The following NTNG1 variants were observed in gnomAD, a reference collection of about 807,000 sequenced individuals.
The protein encoded by NTNG1 is netrin-G1.
A neutral mutation model predicts 54.0 loss-of-function variants in NTNG1; 16 were observed. That is an observed-to-expected ratio of 0.30 (90% CI 0.20 to 0.45). The LOEUF (loss-of-function observed/expected upper bound fraction) is 0.45, where lower values mean the gene tolerates loss of function less well. Among genes scored for constraint, NTNG1 ranks in the 20% least tolerant of loss-of-function variants. The pLI is 1.00. For synonymous variants in NTNG1, 255 were observed against 263.1 expected (o/e 0.97, Z 0.30); for missense variants, 530 against 678.7 (o/e 0.78, Z 2.43).
intron 2 of NTNG1, among the ~76,000 whole-genome samples, chr1:107,194,261 GT>G (rs1386142539): frequency 6.6e-6 from 1 of 151,970 alleles, no homozygotes; most frequent in Non-Finnish European, 1.5e-5. Context: ...TTTTTGGATG[GT>G]TATATCAGAT....
chr1:107,471,942 AT>A (rs1162526476), intron 7 of NTNG1, among the ~76,000 whole-genome samples: 7 of 152,102 alleles, frequency 4.6e-5, no homozygotes, highest in Admixed American at 2.6e-4. Context: ...TGTGTTTTAT[AT>A]TTTTTTAGAG....
Position 107,233,212 on chromosome 1 carries a change from TAAG to T in NTNG1, c.246+84376_246+84378del, listed in dbSNP as rs754204548. On this transcript the variant is annotated intron_variant, in intron 2 of 7. Coordinates refer to ENST00000370068, the MANE Select transcript of NTNG1 (RefSeq NM_001113226.3). ...TAAGCAAAATCTTGGAGATAGAAGATAAGAAATACTACTAAGCAGTCAGAGACT... is the reference window on the plus strand; with the variant it reads ...TAAGCAAAATCTTGGAGATAGAAGATAAATACTACTAAGCAGTCAGAGACT... Among the ~76,000 whole-genome samples the T allele has an allele frequency of 7.2e-5, 11 of 152,350 alleles. 1 individual carries two copies. The South Asian group carries it at 2.3e-3, about 32-fold the overall frequency.
chr1:107,455,393 C>T (rs1459415658), intron 7 of NTNG1, among the ~76,000 whole-genome samples: 5 of 152,190 alleles, frequency 3.3e-5, no homozygotes, highest in African/African-American at 1.2e-4. Flanking sequence ...AATAAAAAGT[C>T]ATTATGCACA....
intron 7 of NTNG1, among the ~76,000 whole-genome samples, chr1:107,468,382 C>A (rs1677740590): frequency 6.6e-6 from 1 of 152,136 alleles, no homozygotes; most frequent in Non-Finnish European, 1.5e-5. Flanking sequence ...GAATTGATGA[C>A]ACAATTATCT....
intron 7 of NTNG1, among the ~76,000 whole-genome samples, chr1:107,461,714 A>G (rs1677294007): frequency 6.6e-6 from 1 of 151,630 alleles, no homozygotes; most frequent in African/African-American, 2.4e-5. Flanking sequence ...ATTGTATTTT[A>G]GTAAAGACAG....
chr1:107,457,202 A>G (rs1017255187), intron 7 of NTNG1, among the ~76,000 whole-genome samples: 12 of 152,256 alleles, frequency 7.9e-5, no homozygotes, highest in Non-Finnish European at 1.5e-4. Context: ...AATAAAAGCC[A>G]GTAGACATCA....
intron 2 of NTNG1, among the ~76,000 whole-genome samples, chr1:107,156,583 A>G (rs1655013133): frequency 6.6e-6 from 1 of 152,242 alleles, no homozygotes; most frequent in Admixed American, 6.5e-5. Context: ...AGAAAAATAA[A>G]CATGGAAAAC....
intron 2 of NTNG1, among the ~76,000 whole-genome samples, chr1:107,151,805 T>G (rs1476518734): frequency 2.0e-5 from 3 of 152,158 alleles, no homozygotes; most frequent in Non-Finnish European, 1.5e-5. Flanking sequence ...AGAAGGAGCA[T>G]ATGGATTCCA....
At chr1:107,270,715 C>T (rs1239002705) in intron 2 of NTNG1, among the ~76,000 whole-genome samples, 3 of 133,152 alleles carry the variant, frequency 2.3e-5, no homozygotes, top group African/African-American at 8.0e-5. Context: ...CCCGCCCCCG[C>T]CCCCCCACCC....
At chr1:107,408,232 T>C (rs987328244) in intron 5 of NTNG1, 1 of 211,026 alleles carries the variant, frequency 4.7e-6, no homozygotes, top group Non-Finnish European at 9.6e-6. Flanking sequence ...ACAGGCAAAT[T>C]TGTGATCAGT....
intron 3 of NTNG1, among the ~76,000 whole-genome samples, chr1:107,376,427 A>AC (rs1448308624): frequency 2.0e-5 from 3 of 151,670 alleles, no homozygotes; most frequent in African/African-American, 4.8e-5. Flanking sequence ...CAAAAAAAAA[A>AC]ACAAAAAAAA....
intron 2 of NTNG1, among the ~76,000 whole-genome samples, chr1:107,176,579 GT>G (rs1656668488): frequency 1.3e-5 from 2 of 152,182 alleles, no homozygotes; most frequent in Non-Finnish European, 2.9e-5. Context: ...TAAGGGTGCT[GT>G]GATACTTACA....
At position 107,402,620 on chromosome 1, in the gene NTNG1, G is replaced by A. The variant is rs569965247; in HGVS notation, c.1061-5062G>A. 2.0e-5 allele frequency among the ~76,000 whole-genome samples: 3 copies of A among 152,112 alleles called. No individual in the cohort carries two copies. In the South Asian group the frequency reaches 6.3e-4, roughly 32 times the overall value. Reference sequence around the variant, plus strand: ...GATTTCACAGCATACATCTTTGAAGGTGATCTTATTTCCCTCACTTTCAAG... The same window carrying A: ...GATTTCACAGCATACATCTTTGAAGATGATCTTATTTCCCTCACTTTCAAG... On this transcript the variant is annotated intron_variant, in intron 4 of 7. Transcript: ENST00000370068.
chr1:107,374,053 C>T (rs962209432), intron 3 of NTNG1, among the ~76,000 whole-genome samples: 64 of 152,004 alleles, frequency 4.2e-4, no homozygotes, highest in Admixed American at 2.9e-3. Flanking sequence ...CCTAGATTGA[C>T]GTGTTTTCTG....
intron 3 of NTNG1, among the ~76,000 whole-genome samples, chr1:107,344,995 A>G (rs1217534962): frequency 6.6e-6 from 1 of 152,190 alleles, no homozygotes; most frequent in Non-Finnish European, 1.5e-5. Flanking sequence ...ACTATCAGGA[A>G]AAGCATAGCA....
intron 7 of NTNG1, among the ~76,000 whole-genome samples, chr1:107,437,430 C>T (rs1238792171): frequency 6.6e-6 from 1 of 152,174 alleles, no homozygotes; most frequent in South Asian, 2.1e-4. Context: ...TGTCAAGGCA[C>T]GTGGCATGTC....
intron 3 of NTNG1, among the ~76,000 whole-genome samples, chr1:107,337,248 C>G (rs1668637756): frequency 6.6e-6 from 1 of 151,900 alleles, no homozygotes; most frequent in South Asian, 2.1e-4. Context: ...CAAAATGTGG[C>G]ATATACATAC....
chr1:107,335,476 G>A (rs115436154), intron 3 of NTNG1, among the ~76,000 whole-genome samples: 3,780 of 151,958 alleles, frequency 0.025, 160 homozygotes, highest in African/African-American at 0.087. Flanking sequence ...AAACTTTTAT[G>A]AACATATGTC....
chr1:107,378,997 T>C (rs2101025319), intron 3 of NTNG1, among the ~76,000 whole-genome samples: 1 of 152,378 alleles, frequency 6.6e-6, no homozygotes, highest in Non-Finnish European at 1.5e-5. Flanking sequence ...ATCCTCATTT[T>C]CATGCTTGAA....
Sources: gnomAD v4.1 joint callset for allele counts (sites outside exome capture counted in the v4.1 genomes callset) on GRCh38, gnomAD v4.1.1 for gene constraint, MANE v1.5 for transcripts, NCBI Gene and HGNC (gene_info 2026-07-23, HGNC 2026-07-21) for gene names.